Variants in RAD52 observed in about 807,000 individuals in gnomAD.
RAD52 encodes the protein DNA repair protein RAD52 homolog.
A neutral mutation model predicts 55.5 loss-of-function variants in RAD52; 47 were observed. The ratio of observed to expected loss-of-function variants is 0.85; its 90% CI spans 0.67 to 1.08. The LOEUF is 1.08. Among genes scored for constraint, RAD52 ranks in the 50% least tolerant of loss-of-function variants. RAD52 has a pLI of 0.00. For synonymous variants in RAD52, 184 were observed against 198.9 expected, an observed-to-expected ratio of 0.92 and a Z score of 0.63; for missense variants, 468 against 522.8, an observed-to-expected ratio of 0.90 and a Z score of 1.02.
chr12:947,685 G>A (rs11064610), intron 1 of RAD52, among the ~76,000 whole-genome samples: 15,368 of 150,506 alleles, frequency 0.1, 952 homozygotes, highest in Middle Eastern at 0.23. Flanking sequence ...TCAGGAGTTC[G>A]AGACCAGCAT....
rs751935854 is a variant in RAD52 at position 913,992 on chromosome 12, G to C, written c.1097C>G (p.Thr366Ser). 1 of 1,614,148 alleles carries C rather than the reference G, an allele frequency of 6.2e-7. No individual in the cohort carries two copies. Among genetic ancestry groups the C allele is most frequent in the Non-Finnish European group, 8.5e-7 (1 of 1,180,034 alleles). Residue 366 changes from threonine (T) to serine (S), a missense_variant, in exon 11 of 12, where the codon ACC (threonine) becomes AGC (serine). Transcript: ENST00000358495. ...DTLALNNQMV[T>S]QNRTPHSVCH... ...AACGCTGTGTGGAGTCCTGTTCTGGGTCACCATCTGGTTGTTCAAGGCTAA... is the reference window on the plus strand; with the variant it reads ...AACGCTGTGTGGAGTCCTGTTCTGGCTCACCATCTGGTTGTTCAAGGCTAA...
At chr12:933,972 C>T (rs529176312) in intron 1 of RAD52, among the ~76,000 whole-genome samples, 1 of 151,870 alleles carries the variant, frequency 6.6e-6, no homozygotes, top group Non-Finnish European at 1.5e-5. Flanking sequence ...TAAAAATTAG[C>T]CAGGCGTGGT....
chr12:950,390 C>T (rs11571376), upstream of RAD52, among the ~76,000 whole-genome samples: 7 of 151,300 alleles, frequency 4.6e-5, no homozygotes, highest in African/African-American at 9.7e-5. Flanking sequence ...GGCAACATGG[C>T]GAAACCCTGT....
intron 1 of RAD52, among the ~76,000 whole-genome samples, chr12:972,908 G>T (rs974710732): frequency 1.3e-5 from 2 of 152,062 alleles, no homozygotes; most frequent in Non-Finnish European, 2.9e-5. Context: ...CAATGAGGGG[G>T]CAAATTTTGT....
chr12:937,808 C>T (rs531889190), intron 1 of RAD52, among the ~76,000 whole-genome samples: 3 of 152,262 alleles, frequency 2.0e-5, no homozygotes, highest in Admixed American at 6.5e-5. Context: ...TGAGAGCTTT[C>T]TTTGGTATCC....
At chr12:943,292 C>T (rs185543957) in intron 1 of RAD52, among the ~76,000 whole-genome samples, 14 of 152,322 alleles carry the variant, frequency 9.2e-5, no homozygotes, top group Non-Finnish European at 1.6e-4. Context: ...ACTCCAAGGA[C>T]GGAGCCACAC....
intron 1 of RAD52, among the ~76,000 whole-genome samples, chr12:959,858 A>G (rs897962315): frequency 6.6e-6 from 1 of 152,174 alleles, no homozygotes; most frequent in Non-Finnish European, 1.5e-5. Context: ...CACCCTTTAC[A>G]TGGGCTTTAG....
At chr12:964,705 A>G (rs1387446269) in intron 1 of RAD52, among the ~76,000 whole-genome samples, 11 of 151,974 alleles carry the variant, frequency 7.2e-5, no homozygotes. Flanking sequence ...CAGCTTCCCA[A>G]AAAGCTGGAA....
intron 7 of RAD52, 151 bp downstream of exon 7, chr12:925,299 G>A (rs930628283): frequency 7.2e-5 from 50 of 692,630 alleles, no homozygotes; most frequent in Non-Finnish European, 1.3e-4. Context: ...AGTTCCTGCT[G>A]TCTCTAACAT....
At chr12:982,656 CTTTTTTTTT>C (rs34866890) in intron 1 of RAD52, among the ~76,000 whole-genome samples, 4 of 86,432 alleles carry the variant, frequency 4.6e-5, no homozygotes, top group East Asian at 6.1e-4. Flanking sequence ...ACAATCTAGA[CTTTTTTTTT>C]TTTTTTTTTT....
In RAD52 at chr12:973,779, C is replaced by CTTTTTTTTTTTTTTT. The variant is rs1401411600; in HGVS notation, c.-19+16029_-19+16030insAAAAAAAAAAAAAAA. On this transcript the variant is annotated intron_variant, in intron 1 of 11. Transcript: ENST00000430095. ...CAGGCATGAGCCACCACGCCCAGTC[C>CTTTTTTTTTTTTTTT]TTCTTTTTTTTTTTTTTTTTTTTTT... is the stretch of plus-strand genomic sequence containing the variant. Among the ~76,000 whole-genome samples the CTTTTTTTTTTTTTTT allele has an allele frequency of 5.1e-4, 70 of 136,852 alleles. 1 individual carries two copies. Among genetic ancestry groups the CTTTTTTTTTTTTTTT allele is most frequent in the South Asian group, 9.1e-4 (4 of 4,408 alleles). 89.8% of individuals were successfully genotyped at this position (136,852 alleles called of 152,430 possible).
intron 1 of RAD52, among the ~76,000 whole-genome samples, chr12:943,499 C>T (rs1437939121): frequency 2.0e-5 from 3 of 152,166 alleles, no homozygotes; most frequent in Non-Finnish European, 4.4e-5. Flanking sequence ...CGTGCCATCA[C>T]GCCCAGCTAA....
At chr12:970,831 A>G (rs1231831283) in intron 1 of RAD52, among the ~76,000 whole-genome samples, 1 of 152,104 alleles carries the variant, frequency 6.6e-6, no homozygotes, top group African/African-American at 2.4e-5. Flanking sequence ...TCTATTAATT[A>G]CTCTTCTCAT....
intron 1 of RAD52, among the ~76,000 whole-genome samples, chr12:973,680 T>C (rs1462109109): frequency 1.3e-5 from 2 of 151,756 alleles, no homozygotes; most frequent in Non-Finnish European, 2.9e-5. Context: ...GGTCTCACCA[T>C]ATTGTGCAGA....
upstream of RAD52, among the ~76,000 whole-genome samples, chr12:953,855 G>C (rs1476847698): frequency 6.6e-6 from 1 of 152,130 alleles, no homozygotes; most frequent in East Asian, 1.9e-4. Context: ...ATTCCTACAT[G>C]TTCCTTTATA....
intron 1 of RAD52, among the ~76,000 whole-genome samples, chr12:972,559 G>C (rs112236035): frequency 1.8e-3 from 281 of 152,036 alleles, no homozygotes; most frequent in African/African-American, 6.7e-3. Flanking sequence ...GAGGTCAGGA[G>C]ATCGAGACCA....
chr12:942,870 A>T (rs1957994140), intron 1 of RAD52, among the ~76,000 whole-genome samples: 1 of 152,202 alleles, frequency 6.6e-6, no homozygotes, highest in Non-Finnish European at 1.5e-5. Context: ...AAAACTGATT[A>T]CATCAAAATG....
chr12:922,742 G>A (rs560066945), intron 7 of RAD52, among the ~76,000 whole-genome samples: 10 of 152,242 alleles, frequency 6.6e-5, no homozygotes, highest in African/African-American at 2.4e-4. Context: ...AGGCTGAGTG[G>A]GAGGATCGCT....
chr12:913,747 C>T (rs1956214071), intron 11 of RAD52, 147 bp downstream of exon 11: 1 of 785,650 alleles, frequency 1.3e-6, no homozygotes, highest in Non-Finnish European at 2.0e-6. Context: ...GCTCTTAAAT[C>T]AATTCTGTTC....
Sources: gnomAD v4.1 joint callset for allele counts (sites outside exome capture counted in the v4.1 genomes callset) on GRCh38, gnomAD v4.1.1 for gene constraint, MANE v1.5 for transcripts, NCBI Gene and HGNC (gene_info 2026-07-23, HGNC 2026-07-21) for gene names.